Variants in FLI1 observed in about 807,000 individuals in gnomAD.
The protein encoded by FLI1 is Friend leukemia integration 1 transcription factor.
Under a neutral mutation model 53.1 loss-of-function variants are expected in FLI1, and 13 were observed. The ratio of observed to expected loss-of-function variants is 0.24; its 90% CI spans 0.16 to 0.39. FLI1 has a LOEUF of 0.39. Ranked by LOEUF, FLI1 falls within the 10% of genes least tolerant of loss-of-function variation. The probability of loss-of-function intolerance (pLI) is 1.00; values close to 1 mark genes in which losing one functional copy is unlikely to be tolerated. For missense variants in FLI1, 424 were observed against 600.5 expected, an observed-to-expected ratio of 0.71 and a Z score of 3.07; for synonymous variants, 244 against 236.7, an observed-to-expected ratio of 1.03 and a Z score of -0.28.
intron 1 of FLI1, among the ~76,000 whole-genome samples, chr11:128,702,880 C>T (rs1260321291): frequency 8.1e-6 from 1 of 123,532 alleles, no homozygotes; most frequent in Non-Finnish European, 1.7e-5. Context: ...AAAAAAAAAA[C>T]ATGGAGAAAA....
At chr11:128,727,353 T>A (rs1939525593) in intron 1 of FLI1, among the ~76,000 whole-genome samples, 1 of 152,130 alleles carries the variant, frequency 6.6e-6, no homozygotes, top group African/African-American at 2.4e-5. Flanking sequence ...ATTATGTATA[T>A]ACTTTATAGC....
At chr11:128,703,314 A>T (rs1424680093) in intron 1 of FLI1, among the ~76,000 whole-genome samples, 1 of 152,228 alleles carries the variant, frequency 6.6e-6, no homozygotes, top group Non-Finnish European at 1.5e-5. Context: ...GATAATGCCA[A>T]TTCTACAGCT....
chr11:128,707,729 G>C (rs11221442), intron 1 of FLI1, among the ~76,000 whole-genome samples: 28,464 of 152,100 alleles, frequency 0.19, 2,889 homozygotes, highest in Middle Eastern at 0.29. Context: ...GAGCTCATCA[G>C]AATTATTTAT....
chr11:128,724,831 G>GC (rs1240808218), intron 1 of FLI1, among the ~76,000 whole-genome samples: 8 of 152,288 alleles, frequency 5.3e-5, no homozygotes, highest in Non-Finnish European at 1.2e-4. Flanking sequence ...TATTTAGGAG[G>GC]CCCAGTCATT....
At chr11:128,701,141 T>C (rs950201232) in intron 1 of FLI1, among the ~76,000 whole-genome samples, 3 of 152,118 alleles carry the variant, frequency 2.0e-5, no homozygotes, top group South Asian at 2.1e-4. Context: ...TGATTAAATA[T>C]GGCATTAGGG....
intron 2 of FLI1, among the ~76,000 whole-genome samples, chr11:128,765,486 C>T (rs1200942323): frequency 6.6e-6 from 1 of 152,196 alleles, no homozygotes; most frequent in African/African-American, 2.4e-5. Context: ...CGTCCACAAA[C>T]GGGAGGAGCC....
Position 128,811,093 on chromosome 11 carries a change from G to A in FLI1, c.*105G>A. 9.3e-7 allele frequency: 1 copy of A among 1,080,708 alleles called. No individual in the cohort carries two copies. Among genetic ancestry groups the A allele is most frequent in the African/African-American group, 1.6e-5 (1 of 63,212 alleles). 66.9% of individuals were successfully genotyped at this position (1,080,708 alleles called of 1,614,324 possible). ...TGGCCTTGAAGGGAAGACAAAACTG[G>A]ATGTTCTTTCTTGTTGGATAGAACC... On this transcript the variant is annotated 3_prime_UTR_variant, in exon 9 of 9. Transcript: ENST00000527786.
At chr11:128,777,129 C>T (rs1183682725) in intron 4 of FLI1, among the ~76,000 whole-genome samples, 1 of 152,126 alleles carries the variant, frequency 6.6e-6, no homozygotes, top group Non-Finnish European at 1.5e-5. Context: ...GCTGCGGGAA[C>T]GAGATTTGTC....
rs148327075 is a variant in FLI1, at chr11:128,743,837, G to A, written c.19-14278G>A. Among the ~76,000 whole-genome samples, 353 of 152,324 alleles carry A rather than the reference G, an allele frequency of 2.3e-3. 2 individuals carry two copies. The highest frequency in any genetic ancestry group is 8.1e-3 in the African/African-American group (336 of 41,568). On this transcript the variant is annotated intron_variant, in intron 1 of 8. Transcript: ENST00000527786. The stretch of plus-strand genomic sequence containing the variant: ...AACCCAATGAAATGTTTTCTTTGGA[G>A]GACCACAGCAGGACTTGTTCACAAA...
intron 1 of FLI1, among the ~76,000 whole-genome samples, chr11:128,739,129 T>G (rs1940024751): frequency 6.6e-6 from 1 of 152,152 alleles, no homozygotes; most frequent in African/African-American, 2.4e-5. Context: ...CTTCAAAGGC[T>G]GAGGGAGATC....
At chr11:128,730,167 C>G (rs1018771806) in intron 1 of FLI1, among the ~76,000 whole-genome samples, 6 of 152,226 alleles carry the variant, frequency 3.9e-5, no homozygotes, top group African/African-American at 1.2e-4. Context: ...TTGACTATGC[C>G]TACCTTGTAT....
chr11:128,744,485 T>C lies in FLI1; in HGVS notation c.19-13630T>C, dbSNP rs142695645. ...TGATAGGCATGAGTTAGAACACTAT[T>C]ATTATCGCTAGTTTTCCAAAAAGGA... On this transcript the variant is annotated intron_variant, in intron 1 of 8. Transcript: ENST00000527786. 4.9e-4 allele frequency among the ~76,000 whole-genome samples: 75 copies of C among 152,328 alleles called. 1 individual carries two copies. Among genetic ancestry groups the C allele is most frequent in the African/African-American group, 1.6e-3 (68 of 41,566 alleles).
At chr11:128,799,869 A>G (rs1470855922) in intron 5 of FLI1, among the ~76,000 whole-genome samples, 3 of 152,286 alleles carry the variant, frequency 2.0e-5, no homozygotes, top group Middle Eastern at 6.8e-3. Flanking sequence ...CTCCTCCCCA[A>G]AGACTGGACC....
intron 1 of FLI1, among the ~76,000 whole-genome samples, chr11:128,723,125 A>G (rs1168298197): frequency 6.6e-6 from 1 of 152,130 alleles, no homozygotes; most frequent in African/African-American, 2.4e-5. Flanking sequence ...CCACGATCAA[A>G]TCACCCCCTG....
At chr11:128,766,471 GA>G (rs1299278071) in intron 2 of FLI1, among the ~76,000 whole-genome samples, 1 of 152,042 alleles carries the variant, frequency 6.6e-6, no homozygotes, top group African/African-American at 2.4e-5. Flanking sequence ...AAGACATCAG[GA>G]AAAAATTACC....
intron 1 of FLI1, among the ~76,000 whole-genome samples, chr11:128,738,663 G>A (rs906386428): frequency 4.6e-5 from 7 of 152,226 alleles, no homozygotes; most frequent in East Asian, 1.9e-4. Flanking sequence ...CCTGTGAACC[G>A]TCTGTCCCAC....
chr11:128,752,828 G>A (rs1207035700), intron 1 of FLI1, among the ~76,000 whole-genome samples: 2 of 152,180 alleles, frequency 1.3e-5, no homozygotes, highest in African/African-American at 2.4e-5. Flanking sequence ...CTGTAACGAC[G>A]ACAGAGGGTG....
intron 4 of FLI1, among the ~76,000 whole-genome samples, chr11:128,778,236 A>G (rs931353524): frequency 6.6e-6 from 1 of 152,076 alleles, no homozygotes. Flanking sequence ...AGTACAACAC[A>G]GAGAGAAGTG....
At chr11:128,712,555 A>G (rs914090733) in intron 1 of FLI1, among the ~76,000 whole-genome samples, 11 of 152,328 alleles carry the variant, frequency 7.2e-5, no homozygotes, top group African/African-American at 2.6e-4. Context: ...ACAGTTCCAC[A>G]TGGCTAGGGA....
Sources: gnomAD v4.1 joint callset for allele counts (sites outside exome capture counted in the v4.1 genomes callset) on GRCh38, gnomAD v4.1.1 for gene constraint, MANE v1.5 for transcripts, NCBI Gene and HGNC (gene_info 2026-07-23, HGNC 2026-07-21) for gene names.